The following CEP83 variants were observed in gnomAD, a reference collection of about 807,000 sequenced individuals.
CEP83 encodes the protein centrosomal protein of 83 kDa.
CEP83 carries 70 observed loss-of-function variants against 101.9 expected under a neutral mutation model. The ratio of observed to expected loss-of-function variants is 0.69; its 90% CI spans 0.57 to 0.84. The LOEUF (loss-of-function observed/expected upper bound fraction) is 0.84. CEP83 is among the 40% of genes least tolerant of loss of function. The probability of loss-of-function intolerance (pLI) is 0.00; values close to 1 mark genes in which losing one functional copy is unlikely to be tolerated. For synonymous variants in CEP83, 264 were observed against 267.9 expected, an observed-to-expected ratio of 0.99 and a Z score of 0.14; for missense variants, 715 against 787.2, an observed-to-expected ratio of 0.91 and a Z score of 1.10.
intron 13 of CEP83, among the ~76,000 whole-genome samples, chr12:94,333,045 C>CAAAAAAAAA (rs34900007): frequency 4.1e-5 from 3 of 73,168 alleles, no homozygotes; most frequent in Non-Finnish European, 7.3e-5. Flanking sequence ...ATTTTAAGAC[C>CAAAAAAAAA]AAAAAAAAAA....
At chr12:94,305,364 T>C (rs78460632), downstream of CEP83, 357 of 793,544 alleles carry the variant, frequency 4.5e-4, no homozygotes, top group Non-Finnish European at 6.7e-4. Flanking sequence ...CTACTCTGTG[T>C]CGTTAATTTG....
At chr12:94,314,333 C>T (rs1019292439) in intron 14 of CEP83, among the ~76,000 whole-genome samples, 2 of 152,192 alleles carry the variant, frequency 1.3e-5, no homozygotes, top group Admixed American at 6.5e-5. Context: ...AGAGCACTGC[C>T]ATGCCAGAAG....
chr12:94,412,694 T>C lies in CEP83; in HGVS notation c.-101-103A>G, dbSNP rs529449411. The C allele has an allele frequency of 3.0e-3, 145 of 48,820 alleles. 1 individual carries two copies. The East Asian group carries it at 0.067, about 23-fold the overall frequency. 3.0% of individuals were successfully genotyped at this position (48,820 alleles called of 1,614,324 possible). ...CACTTTTATTATTCTTTTTTTTTTC[T>C]TTTTTTTTTTTTTTTGAGAGGAGTC... On this transcript the variant is annotated intron_variant, in intron 2 of 16. Coordinates refer to ENST00000397809, the MANE Select transcript of CEP83 (RefSeq NM_016122.3).
chr12:94,390,613 G>A (rs1172412055), intron 6 of CEP83, among the ~76,000 whole-genome samples: 1 of 152,208 alleles, frequency 6.6e-6, no homozygotes, highest in Non-Finnish European at 1.5e-5. Context: ...AATAAAGCTG[G>A]ACAGTGAATG....
intron 8 of CEP83, among the ~76,000 whole-genome samples, chr12:94,373,119 T>G (rs564048810): frequency 2.4e-4 from 37 of 152,090 alleles, no homozygotes; most frequent in African/African-American, 7.7e-4. Context: ...CTAGGAAAAT[T>G]AGGGATTTTT....
intron 7 of CEP83, among the ~76,000 whole-genome samples, chr12:94,377,034 C>A (rs77520352): frequency 0.032 from 4,877 of 152,120 alleles, 101 homozygotes; most frequent in Non-Finnish European, 0.051. Flanking sequence ...AGCGACCACA[C>A]CTGACCTCAA....
chr12:94,284,904 T>G, the CEP83 span, among the ~76,000 whole-genome samples: 3 of 152,166 alleles, frequency 2.0e-5, no homozygotes, highest in African/African-American at 7.2e-5. Context: ...AGTGGGGCTG[T>G]GTGTGAGATG....
the CEP83 span, among the ~76,000 whole-genome samples, chr12:94,277,470 A>G: frequency 7.2e-5 from 11 of 152,218 alleles, no homozygotes; most frequent in East Asian, 1.7e-3. Context: ...ACGGGCTCAC[A>G]TGCCAGATGC....
At chr12:94,377,038 A>T (rs2061590407) in intron 7 of CEP83, among the ~76,000 whole-genome samples, 1 of 152,050 alleles carries the variant, frequency 6.6e-6, no homozygotes. Flanking sequence ...ACCACACCTG[A>T]CCTCAACATA....
chr12:94,350,362 A>T (rs1593325552), intron 11 of CEP83, among the ~76,000 whole-genome samples: 1 of 152,210 alleles, frequency 6.6e-6, no homozygotes, highest in Non-Finnish European at 1.5e-5. Context: ...ATTTTTGACA[A>T]GAGTACCAAG....
At chr12:94,452,386 A>C (rs751581490) in intron 1 of CEP83, among the ~76,000 whole-genome samples, 3 of 152,178 alleles carry the variant, frequency 2.0e-5, no homozygotes, top group Non-Finnish European at 2.9e-5. Context: ...AGAAGAAAGA[A>C]GTTATCTCTT....
chr12:94,330,814 A>G (rs1248452930), intron 14 of CEP83, among the ~76,000 whole-genome samples: 2 of 152,332 alleles, frequency 1.3e-5, no homozygotes, highest in East Asian at 3.9e-4. Flanking sequence ...CACCTTCTGT[A>G]TGGAAAAATG....
intron 4 of CEP83, among the ~76,000 whole-genome samples, chr12:94,411,091 A>G (rs113295584): frequency 0.011 from 1,618 of 152,298 alleles, 43 homozygotes; most frequent in African/African-American, 0.037. Flanking sequence ...TATTCGTGAG[A>G]ACCTACTAAT....
rs371691905 is a variant in CEP83, at chr12:94,433,614, C to T, written c.-102+1661G>A. ...GAAGATCGCTTGAGCCCAGGAGGGTCGAGGCTGCAGTGAGCCAAGATCGCA... is the reference window on the plus strand; with the variant it reads ...GAAGATCGCTTGAGCCCAGGAGGGTTGAGGCTGCAGTGAGCCAAGATCGCA... On this transcript the variant is annotated intron_variant, in intron 2 of 16. Coordinates refer to ENST00000397809, the MANE Select transcript of CEP83 (RefSeq NM_016122.3). 1.7e-4 allele frequency among the ~76,000 whole-genome samples: 25 copies of T among 150,942 alleles called. No homozygotes were observed. The South Asian group carries it at 2.9e-3, about 18-fold the overall frequency.
intron 2 of CEP83, chr12:94,423,648 G>A: frequency 6.4e-7 from 1 of 1,555,680 alleles, no homozygotes. Flanking sequence ...GCCGACGGAT[G>A]GTCTCCATTC....
the CEP83 span, among the ~76,000 whole-genome samples, chr12:94,288,331 C>A: frequency 6.6e-6 from 1 of 152,184 alleles, no homozygotes; most frequent in African/African-American, 2.4e-5. Flanking sequence ...GGCATCTGGG[C>A]TCTGACAACT....
At chr12:94,278,666 G>C in the CEP83 span, among the ~76,000 whole-genome samples, 1 of 152,170 alleles carries the variant, frequency 6.6e-6, no homozygotes, top group Admixed American at 6.5e-5. Context: ...CGGAGGGGTA[G>C]ATGAATGTTC....
At chr12:94,347,663 T>C (rs1469690131) in intron 11 of CEP83, among the ~76,000 whole-genome samples, 1 of 152,120 alleles carries the variant, frequency 6.6e-6, no homozygotes, top group Non-Finnish European at 1.5e-5. Flanking sequence ...AACCCAACAT[T>C]TGTCCAACAA....
At chr12:94,306,972 A>C (rs1019130103), downstream of CEP83, 2 of 152,228 alleles carry the variant, frequency 1.3e-5, no homozygotes, top group Non-Finnish European at 2.9e-5. Flanking sequence ...GTCTTCAAAG[A>C]GGTGAAGGAG....
Sources: allele counts gnomAD v4.1 joint callset (sites outside exome capture counted in the v4.1 genomes callset), GRCh38; gene constraint gnomAD v4.1.1; transcripts MANE v1.5; gene names NCBI Gene and HGNC (gene_info 2026-07-23, HGNC 2026-07-21).